KIAA0586: variants seen among roughly 807,000 people sequenced by gnomAD.
KIAA0586 encodes protein TALPID3.
Under a neutral mutation model 169.8 loss-of-function variants are expected in KIAA0586, and 144 were observed. The ratio of observed to expected loss-of-function variants is 0.85; its 90% confidence interval spans 0.74 to 0.97. KIAA0586 has a LOEUF of 0.97. KIAA0586 is among the 50% of genes least tolerant of loss of function. KIAA0586 has a pLI of 0.00. For missense variants in KIAA0586, 1,854 were observed against 1,823.0 expected (o/e 1.02, Z -0.31); for synonymous variants, 625 against 612.4 (o/e 1.02, Z -0.30).
At chr14:58,467,546 A>G (rs2040862347) in intron 15 of KIAA0586, among the ~76,000 whole-genome samples, 189 bp from the exon 16 acceptor site, 1 of 152,228 alleles carries the variant, frequency 6.6e-6, no homozygotes, top group African/African-American at 2.4e-5. Context: ...CGTTGAGTAC[A>G]TATAAGTGCT....
chr14:58,471,234 A>G (rs892393880), intron 17 of KIAA0586, among the ~76,000 whole-genome samples: 4 of 151,598 alleles, frequency 2.6e-5, no homozygotes, highest in African/African-American at 4.8e-5. Flanking sequence ...GATAATCTTT[A>G]GTGTAACTTT....
chr14:58,447,441 A>ATATTTTATTTTATTTTATTT (rs142310844), intron 6 of KIAA0586, among the ~76,000 whole-genome samples: 119 of 130,634 alleles, frequency 9.1e-4, no homozygotes, highest in African/African-American at 2.2e-3. Context: ...CTCATTTCAG[A>ATATTTTATTTTATTTTATTT]TATTTTATTT....
At chr14:58,521,581 A>G (rs2045231851) in intron 29 of KIAA0586, 2 of 977,790 alleles carry the variant, frequency 2.0e-6, no homozygotes, top group Non-Finnish European at 3.3e-6. Context: ...CATGAAGGGG[A>G]AAAAGTGGCT....
At chr14:58,429,247 G>A (rs1193634992) in intron 1 of KIAA0586, 116 bp from the exon 2 acceptor site, 2 of 613,040 alleles carry the variant, frequency 3.3e-6, no homozygotes, top group Non-Finnish European at 2.9e-6. Flanking sequence ...CATGCAAATT[G>A]TCTTTCCAAC....
chr14:58,474,938 A>T (rs1162469531), intron 19 of KIAA0586, 141 bp downstream of exon 19: 1 of 664,012 alleles, frequency 1.5e-6, no homozygotes, highest in Non-Finnish European at 2.5e-6. Flanking sequence ...AGTGTTTGAT[A>T]TAATGCTGAG....
At chr14:58,533,799 G>A (rs1246374134) in intron 29 of KIAA0586, among the ~76,000 whole-genome samples, 2 of 152,130 alleles carry the variant, frequency 1.3e-5, no homozygotes, top group Non-Finnish European at 2.9e-5. Flanking sequence ...TGTACAGTGA[G>A]CAGAAACCCA....
chr14:58,518,482 T>G (rs146667680), intron 29 of KIAA0586, among the ~76,000 whole-genome samples: 4 of 152,360 alleles, frequency 2.6e-5, no homozygotes, highest in African/African-American at 9.6e-5. Flanking sequence ...GAAGTACTCT[T>G]GTTTAAAATT....
chr14:58,522,022 A>G, intron 29 of KIAA0586: 1 of 1,225,992 alleles, frequency 8.2e-7, no homozygotes, highest in Non-Finnish European at 1.2e-6. Flanking sequence ...ATCTTATCCC[A>G]TCATTTCTTT....
chr14:58,558,200 G>A, the KIAA0586 span, among the ~76,000 whole-genome samples: 8 of 151,926 alleles, frequency 5.3e-5, no homozygotes, highest in African/African-American at 1.5e-4. Context: ...GGCAAGCCAC[G>A]GCACCAGGCC....
At chr14:58,517,307 T>C (rs1168073958) in intron 29 of KIAA0586, among the ~76,000 whole-genome samples, 1 of 152,188 alleles carries the variant, frequency 6.6e-6, no homozygotes, top group East Asian at 1.9e-4. Context: ...ATTTTTAAAA[T>C]GCATAAAAGA....
intron 29 of KIAA0586, among the ~76,000 whole-genome samples, chr14:58,515,435 T>G (rs2044682216): frequency 6.6e-6 from 1 of 152,156 alleles, no homozygotes; most frequent in Admixed American, 6.6e-5. Context: ...ATGTGAACAT[T>G]AGGAAATTCA....
At chr14:58,467,542 G>A (rs1191994550) in intron 15 of KIAA0586, among the ~76,000 whole-genome samples, 193 bp from the exon 16 acceptor site, 1 of 152,160 alleles carries the variant, frequency 6.6e-6, no homozygotes, top group Non-Finnish European at 1.5e-5. Context: ...GAAGCGTTGA[G>A]TACATATAAG....
intron 4 of KIAA0586, among the ~76,000 whole-genome samples, chr14:58,435,307 T>G (rs1329205853): frequency 2.0e-5 from 3 of 152,252 alleles, no homozygotes; most frequent in African/African-American, 7.2e-5. Context: ...TCACATTTAA[T>G]GACATTTTAT....
rs564784503 is a variant in KIAA0586, at chr14:58,497,535, CT to C, written c.3991-1239del. ...CCACCACGCCTGGCTAATTTTTGTACTTTTTTTTTAGTAGAGACGGGGTTTC... is the reference window on the plus strand; with the variant it reads ...CCACCACGCCTGGCTAATTTTTGTACTTTTTTTTAGTAGAGACGGGGTTTC... On this transcript the variant is annotated intron_variant, in intron 26 of 30. Coordinates refer to ENST00000652326, the MANE Select transcript of KIAA0586 (RefSeq NM_001329943.3). Among the ~76,000 whole-genome samples, 9 of 149,404 alleles carry C rather than the reference CT, an allele frequency of 6.0e-5. No individual in the cohort carries two copies. The East Asian group carries it at 7.9e-4, about 13-fold the overall frequency.
At chr14:58,482,797 T>C in intron 21 of KIAA0586, 85 bp downstream of exon 21, 1 of 947,552 alleles carries the variant, frequency 1.1e-6, no homozygotes, top group South Asian at 2.1e-5. Flanking sequence ...TTGTTTGTGG[T>C]AGAAGTATTA....
At chr14:58,463,860 G>C in intron 14 of KIAA0586, 1 of 276,580 alleles carries the variant, frequency 3.6e-6, no homozygotes, top group Non-Finnish European at 7.4e-6. Flanking sequence ...TAAAAAATTA[G>C]ATACATAGAA....
chr14:58,456,780 A>G lies in KIAA0586; in HGVS notation c.1332A>G (p.Gln444=), dbSNP rs750653318. The G allele has an allele frequency of 9.4e-6, 15 of 1,601,190 alleles. No homozygotes were observed. Among genetic ancestry groups the G allele is most frequent in the Non-Finnish European group, 1.2e-5 (14 of 1,172,408 alleles). ...KSDDVLHDLG[Q]KEKETNSMVQ... is the part of the protein sequence containing the mutation. ...ATGATGTTCTTCATGACCTTGGCCA[A>G]AAAGAGAAAGAAACAAATAGCATGG... The change falls in exon 10 of 31, where the codon CAA becomes CAG. Residue 444 remains glutamine, a synonymous_variant. Coordinates refer to ENST00000652326, the MANE Select transcript of KIAA0586 (RefSeq NM_001329943.3).
chr14:58,478,470 G>A (rs974497382), intron 20 of KIAA0586, among the ~76,000 whole-genome samples: 2 of 152,260 alleles, frequency 1.3e-5, no homozygotes, highest in South Asian at 2.1e-4. Context: ...GCAATAGAGC[G>A]AGACTCTGTT....
chr14:58,440,244 C>T, intron 4 of KIAA0586: 2 of 432,086 alleles, frequency 4.6e-6, no homozygotes, highest in East Asian at 7.9e-5. Context: ...ACCTTCCTTT[C>T]TTTCTGTCTT....
Sources: allele counts gnomAD v4.1 joint callset (sites outside exome capture counted in the v4.1 genomes callset), GRCh38; gene constraint gnomAD v4.1.1; transcripts MANE v1.5; gene names NCBI Gene and HGNC (gene_info 2026-07-23, HGNC 2026-07-21).